The following CDK8 variants were observed in gnomAD, a reference collection of about 807,000 sequenced individuals.
CDK8 encodes cyclin-dependent kinase 8.
A neutral mutation model predicts 71.5 loss-of-function variants in CDK8; 29 were observed. The ratio of observed to expected loss-of-function variants is 0.41; its 90% CI spans 0.30 to 0.55. The LOEUF is 0.55. Ranked by LOEUF, CDK8 falls within the 20% of genes least tolerant of loss-of-function variation. CDK8 has a pLI of 0.37. For missense variants in CDK8, 288 were observed against 572.6 expected, an observed-to-expected ratio of 0.50 and a Z score of 5.07; for synonymous variants, 161 against 192.1, an observed-to-expected ratio of 0.84 and a Z score of 1.34.
chr13:26,305,357 T>C (rs1234256198), intron 1 of CDK8, among the ~76,000 whole-genome samples: 2 of 152,214 alleles, frequency 1.3e-5, no homozygotes, highest in Admixed American at 6.5e-5. Context: ...TCAGGTGATG[T>C]ACTTTTTCTC....
rs760647749 is a variant in CDK8 at position 26,393,401 on chromosome 13, A to G, written c.681A>G (p.Leu227=). ...IWAIGCIFAE[L]LTSEPIFHCR... ...CTATAGGGTGTATATTTGCAGAACT[A>G]CTAACGTCAGAACCAATATTTCACT... Residue 227 remains leucine (L), a synonymous_variant, in exon 7 of 13, where the codon CTA becomes CTG. Transcript: ENST00000381527. The G allele has an allele frequency of 2.5e-6, 4 of 1,610,730 alleles. No individual in the cohort carries two copies. Among genetic ancestry groups the G allele is most frequent in the South Asian group, 1.1e-5 (1 of 90,934 alleles).
intron 4 of CDK8, among the ~76,000 whole-genome samples, chr13:26,361,784 C>CTTTTTTTTTTTTTTTTTTTTTTTTTTTTT (rs553508554): frequency 1.6e-5 from 1 of 63,306 alleles, no homozygotes; most frequent in Non-Finnish European, 2.7e-5. Context: ...TTTCTTTTCC[C>CTTTTTTTTTTTTTTTTTTTTTTTTTTTTT]TTTTTTTTTT....
intron 1 of CDK8, among the ~76,000 whole-genome samples, chr13:26,289,983 CTT>C (rs1197721410): frequency 1.3e-5 from 2 of 152,148 alleles, no homozygotes; most frequent in South Asian, 2.1e-4. Context: ...CTTGAGTACT[CTT>C]TTGCATTTAG....
At chr13:26,328,539 TA>T (rs900934550) in intron 1 of CDK8, among the ~76,000 whole-genome samples, 1 of 152,206 alleles carries the variant, frequency 6.6e-6, no homozygotes, top group Non-Finnish European at 1.5e-5. Context: ...ATAACAATTT[TA>T]TACAATGCAG....
chr13:26,316,116 T>C (rs1207679069), intron 1 of CDK8, among the ~76,000 whole-genome samples: 1 of 152,178 alleles, frequency 6.6e-6, no homozygotes. Flanking sequence ...CCCAGCACTT[T>C]GGGAGGCCAG....
chr13:26,394,856 G>A (rs1056150487), intron 7 of CDK8, among the ~76,000 whole-genome samples: 1 of 152,156 alleles, frequency 6.6e-6, no homozygotes, highest in Admixed American at 6.5e-5. Flanking sequence ...GATGGTGGTA[G>A]GTAAAAATCT....
intron 4 of CDK8, among the ~76,000 whole-genome samples, chr13:26,357,395 A>G (rs1873938198): frequency 6.6e-6 from 1 of 152,232 alleles, no homozygotes; most frequent in Non-Finnish European, 1.5e-5. Flanking sequence ...GTTTTAGAAC[A>G]TTAAAATATG....
rs781580601 is a variant in CDK8, at chr13:26,393,520, A to T, written c.790+10A>T. ...ATGGGATTTCCTGCAGGTACACATT[A>T]TTCGTTTTTGTTTTTGTTTTTAAAT... On this transcript the variant is annotated intron_variant, in intron 7 of 12. Transcript: ENST00000381527. 6.2e-7 allele frequency: 1 copy of T among 1,611,552 alleles called. No individual in the cohort carries two copies. The highest frequency in any genetic ancestry group is 1.3e-5 in the African/African-American group (1 of 74,798).
chr13:26,367,767 TG>T (rs1874460354), intron 4 of CDK8, among the ~76,000 whole-genome samples: 2 of 152,228 alleles, frequency 1.3e-5, no homozygotes, highest in African/African-American at 4.8e-5. Flanking sequence ...TAGATTTTTT[TG>T]TTAGCTCTTC....
At chr13:26,311,848 G>T (rs540372187) in intron 1 of CDK8, among the ~76,000 whole-genome samples, 1 of 152,308 alleles carries the variant, frequency 6.6e-6, no homozygotes, top group Admixed American at 6.5e-5. Flanking sequence ...CTTTGGATCA[G>T]TCTGACCCAT....
intron 1 of CDK8, among the ~76,000 whole-genome samples, chr13:26,256,207 A>G (rs1189585331): frequency 6.6e-6 from 1 of 152,310 alleles, no homozygotes; most frequent in East Asian, 1.9e-4. Context: ...GTCTGGTGAC[A>G]CTGGAGAAAT....
chr13:26,312,410 C>T (rs1231211348), intron 1 of CDK8, among the ~76,000 whole-genome samples: 1 of 152,174 alleles, frequency 6.6e-6, no homozygotes, highest in Admixed American at 6.6e-5. Flanking sequence ...AGCTGTAACA[C>T]TCACCGTGAG....
At chr13:26,398,029 A>C (rs559393884) in intron 9 of CDK8, among the ~76,000 whole-genome samples, 9 of 152,134 alleles carry the variant, frequency 5.9e-5, no homozygotes, top group African/African-American at 2.2e-4. Flanking sequence ...CTTTATTGCA[A>C]CCAGGCCATT....
intron 4 of CDK8, among the ~76,000 whole-genome samples, chr13:26,380,642 A>T (rs953848035): frequency 2.9e-4 from 42 of 145,382 alleles, no homozygotes; most frequent in African/African-American, 8.2e-4. Flanking sequence ...TGGCTGATTT[A>T]AAAAAAAAAA....
chr13:26,324,353 CTTTGA>C (rs946298105), intron 1 of CDK8, among the ~76,000 whole-genome samples: 1 of 151,978 alleles, frequency 6.6e-6, no homozygotes, highest in Admixed American at 6.6e-5. Context: ...TAGAAAGTAG[CTTTGA>C]TTTGGTGACT....
At chr13:26,288,340 C>CAGTTTTTTACATTTAG (rs1339989259) in intron 1 of CDK8, among the ~76,000 whole-genome samples, 1 of 152,102 alleles carries the variant, frequency 6.6e-6, no homozygotes, top group Non-Finnish European at 1.5e-5. Flanking sequence ...TGTAAGGTTA[C>CAGTTTTTTACATTTAG]AGTTTTTTAC....
At chr13:26,378,103 AC>A (rs1875040227) in intron 4 of CDK8, among the ~76,000 whole-genome samples, 1 of 152,140 alleles carries the variant, frequency 6.6e-6, no homozygotes, top group African/African-American at 2.4e-5. Context: ...ACTTCATTTC[AC>A]CCCTGGAATA....
chr13:26,333,132 A>T (rs1180746239), intron 1 of CDK8, among the ~76,000 whole-genome samples: 1 of 151,388 alleles, frequency 6.6e-6, no homozygotes, highest in Non-Finnish European at 1.5e-5. Context: ...CACAATATTA[A>T]TTATATACCT....
chr13:26,332,633 G>A (rs1872809359), intron 1 of CDK8, among the ~76,000 whole-genome samples: 1 of 152,132 alleles, frequency 6.6e-6, no homozygotes, highest in Non-Finnish European at 1.5e-5. Context: ...AGTGGTGAAA[G>A]TGAGCATCCT....
Sources: allele counts gnomAD v4.1 joint callset (sites outside exome capture counted in the v4.1 genomes callset), GRCh38; gene constraint gnomAD v4.1.1; transcripts MANE v1.5; gene names NCBI Gene and HGNC (gene_info 2026-07-23, HGNC 2026-07-21).